The following SRP68 variants were observed in gnomAD, a reference collection of about 807,000 sequenced individuals.
SRP68 encodes the protein signal recognition particle 68, also known as signal recognition particle subunit SRP68.
Under a neutral mutation model 82.2 loss-of-function variants are expected in SRP68, and 15 were observed. That is an observed-to-expected ratio of 0.18 (90% CI 0.12 to 0.28). The LOEUF (loss-of-function observed/expected upper bound fraction) is 0.28, where lower values mean the gene tolerates loss of function less well. SRP68 is among the 10% of genes least tolerant of loss of function. The pLI is 1.00. For synonymous variants in SRP68, 261 were observed against 292.6 expected, an observed-to-expected ratio of 0.89 and a Z score of 1.10; for missense variants, 595 against 780.5, an observed-to-expected ratio of 0.76 and a Z score of 2.83.
In SRP68 at chr17:76,039,801, G is replaced by A; in HGVS notation, c.1789C>T (p.His597Tyr). ...KPLFFDLALN[H>Y]VAFPPLEDKL... is the part of the protein sequence containing the mutation. ...TCCTCAAGGGGTGGGAAAGCCACATGGTTGAGGGCCAGGTCAAAGAACAAA... is the reference window on the plus strand; with the variant it reads ...TCCTCAAGGGGTGGGAAAGCCACATAGTTGAGGGCCAGGTCAAAGAACAAA... The change falls in exon 16 of 16, where the codon CAT becomes TAT. Residue 597 changes from histidine (H) to tyrosine (Y), a missense_variant. Coordinates refer to ENST00000307877, the MANE Select transcript of SRP68 (RefSeq NM_014230.4). The A allele has an allele frequency of 1.2e-6, 2 of 1,614,226 alleles. No individual in the cohort carries two copies. The highest frequency in any genetic ancestry group is 2.2e-5 in the South Asian group (2 of 91,088).
At chr17:76,058,800 T>C (rs557316523) in intron 7 of SRP68, among the ~76,000 whole-genome samples, 46 of 152,322 alleles carry the variant, frequency 3.0e-4, no homozygotes, top group African/African-American at 1.1e-3. Context: ...GAATTTATCC[T>C]AAGGAAATAA....
intron 4 of SRP68, among the ~76,000 whole-genome samples, chr17:76,063,687 GAA>G (rs59638317): frequency 1.7e-4 from 4 of 23,848 alleles, no homozygotes; most frequent in Non-Finnish European, 2.4e-4. Flanking sequence ...GACTCTGTCT[GAA>G]AAAAAAAAAA....
chr17:76,062,370 T>C (rs2066758805), intron 4 of SRP68, among the ~76,000 whole-genome samples: 1 of 146,780 alleles, frequency 6.8e-6, no homozygotes, highest in Non-Finnish European at 1.5e-5. Flanking sequence ...GCAGGAGGAC[T>C]GCATGAGCCC....
At chr17:76,040,317 T>A in intron 15 of SRP68, 102 bp downstream of exon 15, 2 of 1,154,374 alleles carry the variant, frequency 1.7e-6, no homozygotes, top group Non-Finnish European at 1.3e-6. Context: ...AGGTGGGGGG[T>A]TTCCTTAGAA....
Position 76,070,403 on chromosome 17 carries a change from G to A in SRP68, c.226C>T (p.Arg76Trp), listed in dbSNP as rs774084915. 12 of 1,613,920 alleles carry A rather than the reference G, an allele frequency of 7.4e-6. No individual in the cohort carries two copies. The highest frequency in any genetic ancestry group is 2.7e-5 in the African/African-American group (2 of 75,028). ...IKESQQQHGL[R>W]HGDFQRYRGY... ...CTGTACCTCTGAAAATCTCCATGCC[G>A]TAAACCATGCTGCTGCTGGGATTCC... The change falls in exon 2 of 16, where the codon CGG becomes TGG. Residue 76 changes from arginine to tryptophan, a missense_variant. Arg to Trp is a moderately radical substitution (Grantham distance 101, BLOSUM62 -3). Coordinates refer to ENST00000307877, the MANE Select transcript of SRP68 (RefSeq NM_014230.4).
Position 76,057,391 on chromosome 17 carries a change from C to T in SRP68, c.978+12G>A. On this transcript the variant is annotated intron_variant, in intron 8 of 15. Transcript: ENST00000307877. ...CATACAGAAGACAGCACAGTAAGTT[C>T]TTCCTCCTCACCTGGACAATAGCTG... 1 of 1,611,908 alleles carries T rather than the reference C, an allele frequency of 6.2e-7. No individual in the cohort carries two copies. Among genetic ancestry groups the T allele is most frequent in the East Asian group, 2.2e-5 (1 of 44,866 alleles).
intron 3 of SRP68, 73 bp from the exon 4 acceptor site, chr17:76,064,244 T>A: frequency 6.0e-6 from 8 of 1,343,328 alleles, no homozygotes; most frequent in Non-Finnish European, 8.3e-6. Flanking sequence ...GGTGTAATCT[T>A]CGGCTTCTCG....
rs1384781238 is a variant in SRP68, at chr17:76,039,391, G to T, written c.*315C>A. On this transcript the variant is annotated 3_prime_UTR_variant, in exon 16 of 16. Transcript: ENST00000307877. ...TCAAGGCCCCATCTGTGCCTGGTGT[G>T]GACTCCTGAACGCATTACTGACCAA... The T allele has an allele frequency of 1.3e-5, 7 of 544,384 alleles. No homozygotes were observed. The Admixed American group carries it at 1.3e-4, about 10-fold the overall frequency. The allele number at this position is 544,384 out of a possible 1,614,324, so 33.7% of individuals were successfully genotyped here.
At chr17:76,061,798 A>T (rs1229247153) in intron 4 of SRP68, 1 of 293,638 alleles carries the variant, frequency 3.4e-6, no homozygotes, top group Non-Finnish European at 6.3e-6. Flanking sequence ...TGCCTCTACA[A>T]AAAAATTTAA....
chr17:76,052,915 CT>C (rs905831266), intron 8 of SRP68, among the ~76,000 whole-genome samples: 1 of 144,156 alleles, frequency 6.9e-6, no homozygotes, highest in African/African-American at 2.6e-5. Flanking sequence ...TATCCCAGAA[CT>C]TAAAAAAAAA....
intron 8 of SRP68, among the ~76,000 whole-genome samples, chr17:76,054,618 G>A (rs1406107382): frequency 1.3e-5 from 2 of 152,078 alleles, no homozygotes; most frequent in Admixed American, 6.6e-5. Flanking sequence ...TTGGGAGGCC[G>A]AGGCGGGTGG....
chr17:76,052,489 C>T (rs547245685), intron 8 of SRP68, among the ~76,000 whole-genome samples: 32 of 152,216 alleles, frequency 2.1e-4, no homozygotes, highest in African/African-American at 7.2e-4. Flanking sequence ...AGGACAAATA[C>T]CTAATGCACA....
At chr17:76,061,658 G>A (rs1169437996) in intron 4 of SRP68, 84 bp from the exon 5 acceptor site, 4 of 1,177,728 alleles carry the variant, frequency 3.4e-6, no homozygotes, top group Admixed American at 1.8e-5. Context: ...TTCTAACTTT[G>A]ATATCAAGAA....
chr17:76,053,004 G>A (rs2144501876), intron 8 of SRP68, among the ~76,000 whole-genome samples: 1 of 151,908 alleles, frequency 6.6e-6, no homozygotes, highest in East Asian at 1.9e-4. Flanking sequence ...GCTCACGCCT[G>A]TAATCCCAGC....
At chr17:76,067,060 CTT>C (rs1164827732) in intron 3 of SRP68, among the ~76,000 whole-genome samples, 155 bp downstream of exon 3, 3 of 152,128 alleles carry the variant, frequency 2.0e-5, no homozygotes, top group African/African-American at 7.2e-5. Flanking sequence ...TAATGTATCT[CTT>C]TGAGCCTCAG....
chr17:76,050,535 G>A lies in SRP68; in HGVS notation c.979-9C>T. The A allele has an allele frequency of 1.2e-6, 2 of 1,607,856 alleles. No homozygotes were observed. Among genetic ancestry groups the A allele is most frequent in the Non-Finnish European group, 1.7e-6 (2 of 1,174,974 alleles). On this transcript the variant is annotated splice_polypyrimidine_tract_variant and intron_variant, in intron 8 of 15. Coordinates refer to ENST00000307877, the MANE Select transcript of SRP68 (RefSeq NM_014230.4). The stretch of plus-strand genomic sequence containing the variant: ...GTTTCTTCGCTTTCAGCCTAAACAA[G>A]GGCAGATCAAAGTAAGAGACTTTCC...
intron 3 of SRP68, among the ~76,000 whole-genome samples, chr17:76,065,433 G>A (rs547093295): frequency 1.1e-3 from 107 of 99,918 alleles, no homozygotes; most frequent in African/African-American, 5.3e-3. Context: ...GTGAGACCCT[G>A]TCTCAAAAAA....
At position 76,046,305 on chromosome 17, in the gene SRP68, G is replaced by A. The variant is rs956011017; in HGVS notation, c.1143-111C>T. 4.0e-5 allele frequency: 50 copies of A among 1,254,704 alleles called. 2 individuals carry two copies. Among genetic ancestry groups the A allele is most frequent in the Admixed American group, 1.6e-4 (9 of 55,872 alleles). 77.7% of individuals were successfully genotyped at this position (1,254,704 alleles called of 1,614,324 possible). ...GAGGAAGCAGGGGGCGGGTGGGGGC[G>A]TGGCCACAGCAGGGCCATTTGGCTT... is the stretch of plus-strand genomic sequence containing the variant. On this transcript the variant is annotated intron_variant, in intron 10 of 15. Coordinates refer to ENST00000307877, the MANE Select transcript of SRP68 (RefSeq NM_014230.4).
At chr17:76,053,753 A>C in intron 8 of SRP68, 1 of 657,084 alleles carries the variant, frequency 1.5e-6, no homozygotes, top group Non-Finnish European at 1.9e-6. Flanking sequence ...AGCTCTCATG[A>C]TTCTCCCTGG....
Sources: gnomAD v4.1 joint callset for allele counts (sites outside exome capture counted in the v4.1 genomes callset) on GRCh38, gnomAD v4.1.1 for gene constraint, MANE v1.5 for transcripts, NCBI Gene and HGNC (gene_info 2026-07-23, HGNC 2026-07-21) for gene names.